The following ZNF596 variants were observed in gnomAD, a reference collection of about 807,000 sequenced individuals.
The protein encoded by ZNF596 is zinc finger protein 596.
A neutral mutation model predicts 48.3 loss-of-function variants in ZNF596; 45 were observed. That is an observed-to-expected ratio of 0.93 (90% CI 0.73 to 1.19). The LOEUF is 1.19. Ranked by LOEUF, ZNF596 falls within the 50% of genes most tolerant of loss-of-function variation. The probability of loss-of-function intolerance (pLI) is 0.00; values close to 1 mark genes in which losing one functional copy is unlikely to be tolerated. For missense variants in ZNF596, 848 were observed against 599.7 expected (o/e 1.41, Z -4.32); for synonymous variants, 270 against 202.0 (o/e 1.34, Z -2.85).
chr8:238,721 C>T (rs1195736554), intron 1 of ZNF596, among the ~76,000 whole-genome samples: 3 of 147,908 alleles, frequency 2.0e-5, no homozygotes, highest in Non-Finnish European at 4.5e-5. Context: ...GCAGGAGAAT[C>T]ACTTGAATCC....
chr8:244,797 C>A, intron 5 of ZNF596, 96 bp downstream of exon 5: 1 of 987,702 alleles, frequency 1.0e-6, no homozygotes, highest in Non-Finnish European at 1.5e-6. Flanking sequence ...GTACTTAAAG[C>A]CCTCCCAGCA....
chr8:243,119 A>C, intron 3 of ZNF596, 106 bp downstream of exon 3: 6 of 1,021,826 alleles, frequency 5.9e-6, no homozygotes, highest in Non-Finnish European at 6.7e-6. Flanking sequence ...CAGCTTTCTC[A>C]TCTATCACTT....
chr8:244,793 A>G, intron 5 of ZNF596, 92 bp downstream of exon 5: 1 of 1,031,034 alleles, frequency 9.7e-7, no homozygotes, highest in Non-Finnish European at 1.5e-6. Context: ...GACTGTACTT[A>G]AAGCCCTCCC....
chr8:235,606 C>T (rs1796586662), intron 1 of ZNF596, among the ~76,000 whole-genome samples: 1 of 151,944 alleles, frequency 6.6e-6, no homozygotes, highest in South Asian at 2.1e-4. Flanking sequence ...CTATGAAACT[C>T]ATTTTTGATG....
chr8:233,668 A>G (rs192589481), intron 1 of ZNF596: 1,646 of 145,738 alleles, frequency 0.011, no homozygotes, highest in Middle Eastern at 0.022. Flanking sequence ...ACATGTGTTC[A>G]TAATGAATAG....
chr8:232,247 C>T (rs1303070945), upstream of ZNF596: 1 of 162,646 alleles, frequency 6.1e-6, no homozygotes, highest in African/African-American at 2.4e-5. Context: ...CAGAAACGCG[C>T]GCAGCGGGGG....
chr8:245,044 G>C (rs1376884201), intron 5 of ZNF596, 110 bp from the exon 6 acceptor site: 2 of 1,281,860 alleles, frequency 1.6e-6, no homozygotes, highest in East Asian at 4.8e-5. Context: ...ATTGTAACTG[G>C]AGTCTACCAC....
chr8:244,684 T>A lies in ZNF596; in HGVS notation c.289T>A (p.Ser97Thr). The change falls in exon 5 of 6, where the codon TCC becomes ACC. Residue 97 changes from serine to threonine, a missense_variant. Ser to Thr is a moderately conservative substitution (Grantham distance 58). Coordinates refer to ENST00000398612, the MANE Select transcript of ZNF596 (RefSeq NM_001042416.3). Reference sequence around the variant, plus strand: ...TCAACATATCTATCAGAAGGGCACGTCCACCATCAGCACAATGGTAAGCTT... The same window carrying A: ...TCAACATATCTATCAGAAGGGCACGACCACCATCAGCACAATGGTAAGCTT... Reference protein sequence around the residue: ...FIQHIYQKGTSTISTMRSHTQ... With the variant: ...FIQHIYQKGTTTISTMRSHTQ... 2 of 1,613,468 alleles carry A rather than the reference T, an allele frequency of 1.2e-6. No homozygotes were observed. The highest frequency in any genetic ancestry group is 1.7e-6 in the Non-Finnish European group (2 of 1,179,642).
At chr8:234,555 G>A (rs1289349748) in intron 1 of ZNF596, 1 of 152,162 alleles carries the variant, frequency 6.6e-6, no homozygotes, top group South Asian at 2.1e-4. Flanking sequence ...GAAGCTCAGA[G>A]AACAAAAATG....
Position 247,057 on chromosome 8 carries a change from G to T in ZNF596, c.*695G>T, listed in dbSNP as rs1377640149. On this transcript the variant is annotated 3_prime_UTR_variant, in exon 6 of 6. Coordinates refer to ENST00000398612, the MANE Select transcript of ZNF596 (RefSeq NM_001042416.3). The stretch of plus-strand genomic sequence containing the variant: ...TAGTCAATACCAGCATTTTTCCAGT[G>T]AGAAAACTATCTTGACAGGATAGTG... The T allele has an allele frequency of 6.6e-6, 1 of 152,148 alleles. No individual in the cohort carries two copies. Among genetic ancestry groups the T allele is most frequent in the Admixed American group, 6.6e-5 (1 of 15,264 alleles). 9.4% of individuals were successfully genotyped at this position (152,148 alleles called of 1,614,324 possible).
intron 3 of ZNF596, chr8:243,447 G>A (rs1796934859): frequency 1.1e-5 from 4 of 356,612 alleles, no homozygotes; most frequent in Middle Eastern, 8.3e-4. Flanking sequence ...ATGACAATTT[G>A]TAATTTCTCA....
At chr8:232,770 A>T (rs1357931882) in intron 1 of ZNF596, 76 bp downstream of exon 1, 1 of 427,916 alleles carries the variant, frequency 2.3e-6, no homozygotes, top group Non-Finnish European at 4.8e-6. Flanking sequence ...CAGCCCTGGG[A>T]TTCGGCAGAC....
At chr8:235,845 T>G (rs192693951) in intron 1 of ZNF596, among the ~76,000 whole-genome samples, 20 of 152,324 alleles carry the variant, frequency 1.3e-4, no homozygotes, top group African/African-American at 4.8e-4. Flanking sequence ...TTTATATGAC[T>G]TATTTTAAAT....
chr8:234,571 G>A (rs1450191506), intron 1 of ZNF596: 2 of 152,190 alleles, frequency 1.3e-5, no homozygotes, highest in Non-Finnish European at 2.9e-5. Context: ...AAATGGAAAA[G>A]GATTAGATAT....
chr8:236,264 T>C (rs1197754833), intron 1 of ZNF596, among the ~76,000 whole-genome samples: 2 of 152,246 alleles, frequency 1.3e-5, no homozygotes, highest in Non-Finnish European at 2.9e-5. Context: ...GATTTCAGAA[T>C]ATTCATAATA....
In ZNF596 at chr8:245,428, C is replaced by T; in HGVS notation, c.581C>T (p.Thr194Ile). The T allele has an allele frequency of 6.2e-7, 1 of 1,614,144 alleles. No homozygotes were observed. Among genetic ancestry groups the T allele is most frequent in the Non-Finnish European group, 8.5e-7 (1 of 1,180,014 alleles). ...PHSVTHTREI[T>I]LECRVCGKTF... ...AGTGTGACTCACACTAGAGAGATAA[C>T]ATTGGAATGTCGTGTGTGTGGGAAA... The change falls in exon 6 of 6, where the codon ACA becomes ATA. Residue 194 changes from threonine (T) to isoleucine (I), a missense_variant. Coordinates refer to ENST00000398612, the MANE Select transcript of ZNF596 (RefSeq NM_001042416.3).
At chr8:235,086 A>G (rs910296358) in intron 1 of ZNF596, among the ~76,000 whole-genome samples, 4 of 152,212 alleles carry the variant, frequency 2.6e-5, no homozygotes, top group African/African-American at 9.6e-5. Context: ...TAAAAAGAAA[A>G]GTTTAGAAAA....
At position 245,486 on chromosome 8, in the gene ZNF596, T is replaced by C; in HGVS notation, c.639T>C (p.His213=). ...TFSKNSNLRR[H]EMIHTGEKPH... ...GCAAAAATTCTAATCTTAGGCGACA[T>C]GAGATGATTCACACTGGAGAGAAAC... is the stretch of plus-strand genomic sequence containing the variant. The change falls in exon 6 of 6, where the codon CAT becomes CAC. Residue 213 remains histidine, a synonymous_variant. Transcript: ENST00000398612. The C allele has an allele frequency of 6.2e-7, 1 of 1,610,098 alleles. No individual in the cohort carries two copies.
intron 1 of ZNF596, chr8:237,328 C>T (rs554164954): frequency 3.1e-4 from 47 of 151,886 alleles, no homozygotes; most frequent in Non-Finnish European, 5.6e-4. Flanking sequence ...ATTGTTTTAT[C>T]TTTTTAAGTC....
Sources: allele counts gnomAD v4.1 joint callset (sites outside exome capture counted in the v4.1 genomes callset), GRCh38; gene constraint gnomAD v4.1.1; transcripts MANE v1.5; gene names NCBI Gene and HGNC (gene_info 2026-07-23, HGNC 2026-07-21).